The following MYOM1 variants were observed in gnomAD, a reference collection of about 807,000 sequenced individuals.
MYOM1 encodes myomesin 1, also known as myomesin-1.
Under a neutral mutation model 205.3 loss-of-function variants are expected in MYOM1, and 164 were observed. The ratio of observed to expected loss-of-function variants is 0.80; its 90% CI spans 0.70 to 0.91. MYOM1 has a LOEUF of 0.91. Among genes scored for constraint, MYOM1 ranks in the 40% least tolerant of loss-of-function variants. The probability of loss-of-function intolerance (pLI) is 0.00; values close to 1 mark genes in which losing one functional copy is unlikely to be tolerated. For missense variants in MYOM1, 2,011 were observed against 2,127.3 expected (o/e 0.95, Z 1.08); for synonymous variants, 772 against 789.4 (o/e 0.98, Z 0.37).
At chr18:3,120,081 T>A in intron 19 of MYOM1, 86 bp from the exon 20 acceptor site, 2 of 1,482,206 alleles carry the variant, frequency 1.3e-6, no homozygotes, top group South Asian at 1.4e-5. Context: ...TTATTTACCT[T>A]CCATGTCAGA....
intron 19 of MYOM1, among the ~76,000 whole-genome samples, chr18:3,122,065 G>A (rs2079700746): frequency 6.6e-6 from 1 of 152,108 alleles, no homozygotes; most frequent in Non-Finnish European, 1.5e-5. Context: ...GTTGCAGTGA[G>A]TCAAGATCAT....
Position 3,094,310 on chromosome 18 carries a change from T to C in MYOM1, c.3728-4A>G. ...AACTCTGATTTAACTGGGACAGCTA[T>C]GAAAAGTAAAAATAAACACAGTAAT... On this transcript the variant is annotated splice_polypyrimidine_tract_variant and splice_region_variant and intron_variant, in intron 25 of 37. Transcript: ENST00000356443. The C allele has an allele frequency of 6.2e-7, 1 of 1,605,602 alleles. No individual in the cohort carries two copies. The highest frequency in any genetic ancestry group is 1.7e-4 in the Middle Eastern group (1 of 6,006).
chr18:3,163,824 T>C (rs1056298010), intron 10 of MYOM1, among the ~76,000 whole-genome samples: 1 of 147,292 alleles, frequency 6.8e-6, no homozygotes, highest in African/African-American at 2.6e-5. Context: ...TTTTCTTTCT[T>C]TTTTTTTTGG....
intron 5 of MYOM1, among the ~76,000 whole-genome samples, chr18:3,185,478 A>G (rs745419659): frequency 1.3e-4 from 20 of 152,238 alleles, no homozygotes; most frequent in Admixed American, 3.9e-4. Context: ...TTTTACTAAT[A>G]TTTCTTGCAG....
intron 22 of MYOM1, among the ~76,000 whole-genome samples, chr18:3,105,384 G>A (rs905339871): frequency 6.6e-6 from 1 of 152,150 alleles, no homozygotes; most frequent in Non-Finnish European, 1.5e-5. Context: ...AGCTCTTATT[G>A]AATTGCATAC....
Position 3,154,900 on chromosome 18 carries a change from A to C in MYOM1, c.1643+47T>G, listed in dbSNP as rs748483247. 17 of 1,576,650 alleles carry C rather than the reference A, an allele frequency of 1.1e-5. 1 individual carries two copies. In the South Asian group the frequency reaches 2.0e-4, roughly 18 times the overall value. ...AAATGATGGGAGAAATCAAGCACGC[A>C]TCTCTATGACCAAATAACTGTAATT... On this transcript the variant is annotated intron_variant, in intron 11 of 37. Coordinates refer to ENST00000356443, the MANE Select transcript of MYOM1 (RefSeq NM_003803.4).
At chr18:3,149,666 T>C (rs532937987) in intron 12 of MYOM1, among the ~76,000 whole-genome samples, 1 of 152,234 alleles carries the variant, frequency 6.6e-6, no homozygotes, top group East Asian at 1.9e-4. Context: ...GCAAAGCAAA[T>C]TTTTCCCATT....
intron 12 of MYOM1, among the ~76,000 whole-genome samples, chr18:3,151,455 TAATAAAATAAAATAAAATAAATAA>T (rs2080220290): frequency 7.2e-6 from 1 of 139,242 alleles, no homozygotes; most frequent in Non-Finnish European, 1.6e-5. Flanking sequence ...AAATATAAAA[TAATAAAATAAAATAAAATAAATAA>T]AATAAAATAA....
chr18:3,126,983 G>C lies in MYOM1; in HGVS notation c.2795-86C>G, dbSNP rs942209075. On this transcript the variant is annotated intron_variant, in intron 18 of 37. Coordinates refer to ENST00000356443, the MANE Select transcript of MYOM1 (RefSeq NM_003803.4). Reference sequence around the variant, plus strand: ...CATTTCCATGGGTGCCACATATGAGGGCACTAGATCTTGCAGTATAAAACT... The same window carrying C: ...CATTTCCATGGGTGCCACATATGAGCGCACTAGATCTTGCAGTATAAAACT... 7 of 1,246,460 alleles carry C rather than the reference G, an allele frequency of 5.6e-6. No individual in the cohort carries two copies. The East Asian group carries it at 7.7e-5, about 14-fold the overall frequency. The allele number at this position is 1,246,460 out of a possible 1,614,324, so 77.2% of individuals were successfully genotyped here.
intron 5 of MYOM1, among the ~76,000 whole-genome samples, chr18:3,180,150 A>G (rs997502947): frequency 2.0e-5 from 3 of 152,214 alleles, no homozygotes; most frequent in Admixed American, 2.0e-4. Context: ...GAATTTTTAA[A>G]AATAAAATAA....
At position 3,126,915 on chromosome 18, in the gene MYOM1, G is replaced by A; in HGVS notation, c.2795-18C>T. The A allele has an allele frequency of 1.3e-6, 2 of 1,592,616 alleles. No individual in the cohort carries two copies. The highest frequency in any genetic ancestry group is 1.1e-5 in the South Asian group (1 of 88,014). On this transcript the variant is annotated intron_variant, in intron 18 of 37. Coordinates refer to ENST00000356443, the MANE Select transcript of MYOM1 (RefSeq NM_003803.4). Reference sequence around the variant, plus strand: ...TGGTGGTGCTGTAGCAATATGAATAGCTTGTGAGTAGGCAGAAATGCATTT... The same window carrying A: ...TGGTGGTGCTGTAGCAATATGAATAACTTGTGAGTAGGCAGAAATGCATTT...
the MYOM1 span, among the ~76,000 whole-genome samples, chr18:3,240,343 G>A: frequency 2.0e-5 from 3 of 152,178 alleles, no homozygotes; most frequent in Non-Finnish European, 4.4e-5. Flanking sequence ...ATTCCCACAT[G>A]TTGTGGGAGG....
At chr18:3,245,119 G>A in the MYOM1 span, among the ~76,000 whole-genome samples, 4 of 152,324 alleles carry the variant, frequency 2.6e-5, no homozygotes, top group African/African-American at 9.6e-5. Context: ...ATAAATTTCT[G>A]TTGTTTAAGC....
chr18:3,077,851 G>A (rs2079037361), intron 34 of MYOM1, among the ~76,000 whole-genome samples: 1 of 152,048 alleles, frequency 6.6e-6, no homozygotes, highest in African/African-American at 2.4e-5. Context: ...GAAAGTCCGC[G>A]TCCCTCTGGA....
chr18:3,121,893 C>T (rs1368789971), intron 19 of MYOM1, among the ~76,000 whole-genome samples: 3 of 152,018 alleles, frequency 2.0e-5, no homozygotes, highest in African/African-American at 7.2e-5. Flanking sequence ...CCGAGGCGGG[C>T]GGATCACTTG....
intron 2 of MYOM1, 104 bp downstream of exon 2, chr18:3,214,830 A>C: frequency 2.2e-6 from 3 of 1,367,180 alleles, no homozygotes; most frequent in Non-Finnish European, 1.9e-6. Context: ...CTGTCTCAAA[A>C]AACCAAAACC....
chr18:3,112,108 G>A (rs1253873635), intron 22 of MYOM1, among the ~76,000 whole-genome samples, 190 bp downstream of exon 22: 3 of 152,154 alleles, frequency 2.0e-5, no homozygotes, highest in Non-Finnish European at 4.4e-5. Flanking sequence ...GTCAAACCTG[G>A]CTCAACCCTG....
At chr18:3,090,991 G>A (rs375204366) in intron 26 of MYOM1, among the ~76,000 whole-genome samples, 189 bp from the exon 27 acceptor site, 1 of 152,068 alleles carries the variant, frequency 6.6e-6, no homozygotes, top group Non-Finnish European at 1.5e-5. Flanking sequence ...AGAACAGCCT[G>A]AGCAGCAAAG....
chr18:3,191,931 T>G (rs556698139), intron 3 of MYOM1, among the ~76,000 whole-genome samples: 1 of 151,926 alleles, frequency 6.6e-6, no homozygotes, highest in Non-Finnish European at 1.5e-5. Context: ...CTCCTGACAT[T>G]GTGATCTGCC....
Sources: allele counts gnomAD v4.1 joint callset (sites outside exome capture counted in the v4.1 genomes callset), GRCh38; gene constraint gnomAD v4.1.1; transcripts MANE v1.5; gene names NCBI Gene and HGNC (gene_info 2026-07-23, HGNC 2026-07-21).